The following EML6 variants were observed in gnomAD, a reference collection of about 807,000 sequenced individuals.
EML6 encodes the protein echinoderm microtubule-associated protein-like 6.
Under a neutral mutation model 240.1 loss-of-function variants are expected in EML6, and 154 were observed. The ratio of observed to expected loss-of-function variants is 0.64; its 90% CI spans 0.56 to 0.73. The LOEUF (loss-of-function observed/expected upper bound fraction) is 0.73, where lower values mean the gene tolerates loss of function less well. Among genes scored for constraint, EML6 ranks in the 30% least tolerant of loss-of-function variants. EML6 has a pLI of 0.00. For synonymous variants in EML6, 1,148 were observed against 899.0 expected, an observed-to-expected ratio of 1.28 and a Z score of -4.95; for missense variants, 2,964 against 2,474.6, an observed-to-expected ratio of 1.20 and a Z score of -4.20.
intron 2 of EML6, among the ~76,000 whole-genome samples, chr2:54,759,678 G>A (rs879281020): frequency 4.0e-5 from 6 of 151,872 alleles, no homozygotes; most frequent in Non-Finnish European, 8.8e-5. Context: ...AAGAAAAGTT[G>A]GATTTATACC....
Position 54,917,045 on chromosome 2 carries a change from G to T in EML6, c.3675+110G>T, listed in dbSNP as rs919103537. ...GAAGTCATAAGCAATTCACATTATC[G>T]GAGTATTATTTATGCTGTATAAAAA... On this transcript the variant is annotated intron_variant, in intron 26 of 41. Transcript: ENST00000356458. 1.8e-5 allele frequency: 14 copies of T among 788,866 alleles called. No homozygotes were observed. The East Asian group carries it at 3.5e-4, about 20-fold the overall frequency. The allele number at this position is 788,866 out of a possible 1,614,324, so 48.9% of individuals were successfully genotyped here. A position where few individuals can be genotyped will look rare whatever the true frequency, so the allele number is the denominator to read the frequency against.
At chr2:54,807,112 T>C (rs1185501194) in intron 2 of EML6, among the ~76,000 whole-genome samples, 1 of 152,238 alleles carries the variant, frequency 6.6e-6, no homozygotes, top group African/African-American at 2.4e-5. Context: ...TATTGATTTT[T>C]TTTTTCCTCT....
chr2:54,806,724 T>C (rs1473518010), intron 2 of EML6, among the ~76,000 whole-genome samples: 2 of 150,398 alleles, frequency 1.3e-5, no homozygotes, highest in Non-Finnish European at 3.0e-5. Context: ...ATACCACCTA[T>C]ATAGTGCTAG....
At chr2:54,727,843 C>T (rs1019312914) in intron 2 of EML6, among the ~76,000 whole-genome samples, 1 of 152,156 alleles carries the variant, frequency 6.6e-6, no homozygotes, top group Non-Finnish European at 1.5e-5. Flanking sequence ...AACTAGAAAG[C>T]AGCCCAACAA....
At chr2:54,790,191 T>C (rs1271259532) in intron 2 of EML6, among the ~76,000 whole-genome samples, 1 of 152,236 alleles carries the variant, frequency 6.6e-6, no homozygotes, top group Non-Finnish European at 1.5e-5. Flanking sequence ...TGGGCACTTA[T>C]TTCTAATGAG....
Position 54,928,494 on chromosome 2 carries a change from C to G in EML6, c.3857C>G (p.Thr1286Ser), listed in dbSNP as rs914500957. The G allele has an allele frequency of 3.9e-6, 6 of 1,545,942 alleles. No homozygotes were observed. Among genetic ancestry groups the G allele is most frequent in the Admixed American group, 2.0e-5 (1 of 50,752 alleles). ...CTGGTGGACAGCGAGGAGTCAGACACCGACGTGGAAGAGGATGGAGGTGAG... is the reference window on the plus strand; with the variant it reads ...CTGGTGGACAGCGAGGAGTCAGACAGCGACGTGGAAGAGGATGGAGGTGAG... ...SKLVDSEESD[T>S]DVEEDGGYDS... Residue 1286 changes from threonine (T) to serine (S), a missense_variant, in exon 27 of 42, where the codon ACC (threonine) becomes AGC (serine). Thr to Ser is a moderately conservative substitution (Grantham distance 58). Coordinates refer to ENST00000356458, the MANE Select transcript of EML6 (RefSeq NM_001039753.4).
chr2:54,787,694 T>G (rs764537739), intron 2 of EML6, among the ~76,000 whole-genome samples: 6 of 151,964 alleles, frequency 3.9e-5, no homozygotes, highest in Non-Finnish European at 8.8e-5. Flanking sequence ...AACTTGGGAG[T>G]CGTGTCTGGA....
At chr2:54,884,016 G>T (rs896911949) in intron 17 of EML6, among the ~76,000 whole-genome samples, 2 of 152,084 alleles carry the variant, frequency 1.3e-5, no homozygotes, top group African/African-American at 4.8e-5. Flanking sequence ...AAACTTGTGG[G>T]GATTTCTCCC....
intron 2 of EML6, among the ~76,000 whole-genome samples, chr2:54,756,832 A>G (rs565107727): frequency 6.6e-6 from 1 of 151,950 alleles, no homozygotes; most frequent in East Asian, 1.9e-4. Flanking sequence ...TCAACCTACA[A>G]ACTCCTGAGT....
chr2:54,936,161 T>C (rs1213259227), intron 28 of EML6, among the ~76,000 whole-genome samples: 1 of 152,248 alleles, frequency 6.6e-6, no homozygotes, highest in Non-Finnish European at 1.5e-5. Context: ...TCTACATTTT[T>C]TGTTCTTATC....
chr2:54,905,106 C>A (rs1673251719), intron 24 of EML6, among the ~76,000 whole-genome samples: 1 of 152,118 alleles, frequency 6.6e-6, no homozygotes, highest in Non-Finnish European at 1.5e-5. Flanking sequence ...CAGTGCTGGC[C>A]AGACAAAGTG....
Position 54,756,635 on chromosome 2 carries a change from G to A in EML6, c.197+31377G>A, listed in dbSNP as rs189987156. Among the ~76,000 whole-genome samples, 23 of 150,162 alleles carry A rather than the reference G, an allele frequency of 1.5e-4. No homozygotes were observed. The East Asian group carries it at 4.4e-3, about 29-fold the overall frequency. ...CTTTTTATAAATGATGTTCTCAGGA[G>A]CATTTTTTTCTACAAAAAGCCTTTT... On this transcript the variant is annotated intron_variant, in intron 2 of 41. Coordinates refer to ENST00000356458, the MANE Select transcript of EML6 (RefSeq NM_001039753.4).
intron 16 of EML6, among the ~76,000 whole-genome samples, chr2:54,877,091 TC>T (rs1671546605): frequency 6.6e-6 from 1 of 151,860 alleles, no homozygotes; most frequent in Admixed American, 6.6e-5. Context: ...CAATCGATCC[TC>T]CCAACTCAGC....
intron 16 of EML6, among the ~76,000 whole-genome samples, chr2:54,878,966 G>C (rs891392164): frequency 1.3e-5 from 2 of 152,120 alleles, no homozygotes; most frequent in African/African-American, 4.8e-5. Flanking sequence ...CCTATAACAA[G>C]TACACTACAT....
chr2:54,770,641 C>G (rs1250755743), intron 2 of EML6, among the ~76,000 whole-genome samples: 3 of 152,192 alleles, frequency 2.0e-5, no homozygotes, highest in Non-Finnish European at 4.4e-5. Context: ...CTCTTGCCAC[C>G]ATTCCACAAA....
At chr2:54,815,635 C>G (rs1668049224) in intron 3 of EML6, among the ~76,000 whole-genome samples, 1 of 152,072 alleles carries the variant, frequency 6.6e-6, no homozygotes, top group Non-Finnish European at 1.5e-5. Context: ...GTTTCCATTG[C>G]TGAAACCCTC....
rs763327510 is a variant in EML6 at position 54,813,196 on chromosome 2, G to C, written c.198-36G>C. 2.7e-6 allele frequency: 4 copies of C among 1,483,674 alleles called. No individual in the cohort carries two copies. The South Asian group carries it at 3.8e-5, about 14-fold the overall frequency. The allele number at this position is 1,483,674 out of a possible 1,614,324, so 91.9% of individuals were successfully genotyped here. On this transcript the variant is annotated intron_variant, in intron 2 of 41. Coordinates refer to ENST00000356458, the MANE Select transcript of EML6 (RefSeq NM_001039753.4). ...TAAAAGGTGATCAGTGTTTTCTTCA[G>C]TTGGAAGATGTGAAAAGAAACCTTT...
chr2:54,886,429 C>CA (rs1672147692), intron 17 of EML6, among the ~76,000 whole-genome samples: 1 of 152,176 alleles, frequency 6.6e-6, no homozygotes, highest in African/African-American at 2.4e-5. Flanking sequence ...CTCAGCCCCC[C>CA]AGAGTGTTGG....
At chr2:54,791,946 C>G (rs777892113) in intron 2 of EML6, among the ~76,000 whole-genome samples, 1 of 152,156 alleles carries the variant, frequency 6.6e-6, no homozygotes, top group South Asian at 2.1e-4. Flanking sequence ...TCTTGTTTGA[C>G]TCAGAAAATC....
Sources: gnomAD v4.1 joint callset for allele counts (sites outside exome capture counted in the v4.1 genomes callset) on GRCh38, gnomAD v4.1.1 for gene constraint, MANE v1.5 for transcripts, NCBI Gene and HGNC (gene_info 2026-07-23, HGNC 2026-07-21) for gene names.